The following ZNF821 variants were observed in gnomAD, a reference collection of about 807,000 sequenced individuals.
The protein encoded by ZNF821 is zinc finger protein 821.
ZNF821 carries 16 observed loss-of-function variants against 44.3 expected under a neutral mutation model. The ratio of observed to expected loss-of-function variants is 0.36; its 90% CI spans 0.24 to 0.55. The LOEUF (loss-of-function observed/expected upper bound fraction) is 0.55, where lower values mean the gene tolerates loss of function less well. ZNF821 is among the 20% of genes least tolerant of loss of function. The pLI is 0.86. For missense variants in ZNF821, 436 were observed against 547.6 expected, an observed-to-expected ratio of 0.80 and a Z score of 2.03; for synonymous variants, 204 against 197.6, an observed-to-expected ratio of 1.03 and a Z score of -0.27.
At chr16:71,865,072 TG>T in intron 4 of ZNF821, 24 bp from the exon 5 acceptor site, 1 of 1,613,990 alleles carries the variant, frequency 6.2e-7, no homozygotes, top group Non-Finnish European at 8.5e-7. Context: ...ACTGGTCACT[TG>T]TTCTGATTTT....
chr16:71,872,748 C>T (rs1166320154), intron 3 of ZNF821, among the ~76,000 whole-genome samples: 2 of 152,194 alleles, frequency 1.3e-5, no homozygotes, highest in East Asian at 1.9e-4. Flanking sequence ...GGAACATAGC[C>T]ATTTACTTCA....
intron 1 of ZNF821, among the ~76,000 whole-genome samples, chr16:71,892,211 G>C (rs955004540): frequency 1.5e-4 from 7 of 46,352 alleles, no homozygotes; most frequent in South Asian, 9.7e-4. Context: ...AAAAAAAAAA[G>C]AATCATGTCA....
chr16:71,892,178 CAAAAAAAAAAAAA>C (rs560376648), intron 1 of ZNF821, among the ~76,000 whole-genome samples: 263 of 31,930 alleles, frequency 8.2e-3, no homozygotes, highest in Middle Eastern at 0.071. Flanking sequence ...AACTCCGTCT[CAAAAAAAAAAAAA>C]AAAAAAAAAA....
upstream of ZNF821, among the ~76,000 whole-genome samples, chr16:71,886,586 A>G (rs982590357): frequency 2.0e-5 from 3 of 152,204 alleles, no homozygotes; most frequent in African/African-American, 7.2e-5. Context: ...GGCTTCTACA[A>G]TGACCTTGTT....
chr16:71,871,353 A>G (rs1336868670), intron 3 of ZNF821, among the ~76,000 whole-genome samples: 1 of 152,220 alleles, frequency 6.6e-6, no homozygotes, highest in Non-Finnish European at 1.5e-5. Flanking sequence ...ATATCACCAT[A>G]AAGCAAAATA....
At chr16:71,885,772 TTAGA>T (rs1159908209), upstream of ZNF821, among the ~76,000 whole-genome samples, 1 of 152,238 alleles carries the variant, frequency 6.6e-6, no homozygotes, top group Non-Finnish European at 1.5e-5. Context: ...ATTAGGATAC[TTAGA>T]TAGCAATTAT....
intron 3 of ZNF821, among the ~76,000 whole-genome samples, chr16:71,875,025 C>G (rs527410657): frequency 1.3e-5 from 2 of 152,150 alleles, no homozygotes; most frequent in Non-Finnish European, 2.9e-5. Flanking sequence ...ACCTGAGAAG[C>G]CTTCATGGCT....
In ZNF821 at chr16:71,884,087, G is replaced by A. The variant is rs1032135009; in HGVS notation, c.-320C>T. The A allele has an allele frequency of 1.3e-5, 2 of 152,162 alleles. No individual in the cohort carries two copies. Among genetic ancestry groups the A allele is most frequent in the African/African-American group, 4.8e-5 (2 of 41,430 alleles). 9.4% of individuals were successfully genotyped at this position (152,162 alleles called of 1,614,324 possible). A position where few individuals can be genotyped will look rare whatever the true frequency, so the allele number is the denominator to read the frequency against. On this transcript the variant is annotated 5_prime_UTR_variant, in exon 1 of 8. Transcript: ENST00000425432. ...GCCGAGCCGGTGGCGGGGAGCCGAGGGGCGGCGCTGCAGACGGACAAAGCC... is the reference window on the plus strand; with the variant it reads ...GCCGAGCCGGTGGCGGGGAGCCGAGAGGCGGCGCTGCAGACGGACAAAGCC...
At chr16:71,891,995 CAAAAA>C (rs58554253) in intron 1 of ZNF821, among the ~76,000 whole-genome samples, 5 of 21,170 alleles carry the variant, frequency 2.4e-4, no homozygotes, top group Non-Finnish European at 2.0e-4. Flanking sequence ...GACTCCGTCT[CAAAAA>C]AAAAAAAAAA....
intron 4 of ZNF821, among the ~76,000 whole-genome samples, chr16:71,867,191 C>CA (rs900642323): frequency 6.6e-6 from 1 of 152,212 alleles, no homozygotes; most frequent in African/African-American, 2.4e-5. Flanking sequence ...ACTGGGCCTT[C>CA]AAGCAAGGTT....
At chr16:71,891,757 C>T (rs1047077391) in intron 1 of ZNF821, among the ~76,000 whole-genome samples, 3 of 152,088 alleles carry the variant, frequency 2.0e-5, no homozygotes, top group Non-Finnish European at 4.4e-5. Flanking sequence ...CGCCTTTAAT[C>T]CCAGCACTTT....
intron 5 of ZNF821, chr16:71,864,633 CAA>C (rs1418292030): frequency 1.1e-5 from 5 of 460,726 alleles, no homozygotes; most frequent in African/African-American, 7.8e-5. Context: ...TCTACTTCAA[CAA>C]AGTTTCTCTC....
At chr16:71,893,441 C>T (rs1466178698) in intron 1 of ZNF821, among the ~76,000 whole-genome samples, 3 of 151,360 alleles carry the variant, frequency 2.0e-5, no homozygotes, top group East Asian at 3.9e-4. Flanking sequence ...GGATTACAGG[C>T]GTGAGCCACC....
At chr16:71,884,912 C>T (rs902148373), upstream of ZNF821, 2 of 142,024 alleles carry the variant, frequency 1.4e-5, no homozygotes, top group Admixed American at 1.5e-4. Context: ...GGCTGCAATG[C>T]AATGGCGCGA....
chr16:71,864,100 C>T, intron 6 of ZNF821, 38 bp downstream of exon 6: 1 of 1,572,020 alleles, frequency 6.4e-7, no homozygotes, highest in East Asian at 2.2e-5. Flanking sequence ...AAGCTGCCCA[C>T]ACTTGTGTTC....
At chr16:71,893,047 T>TTTTTTTTTTTTA (rs71153679) in intron 1 of ZNF821, among the ~76,000 whole-genome samples, 1 of 136,070 alleles carries the variant, frequency 7.3e-6, no homozygotes, top group East Asian at 2.2e-4. Flanking sequence ...TTTTTTTTTT[T>TTTTTTTTTTTTA]GAGATATAGT....
intron 5 of ZNF821, 76 bp from the exon 6 acceptor site, chr16:71,864,318 A>G: frequency 7.4e-7 from 1 of 1,347,644 alleles, no homozygotes; most frequent in South Asian, 1.2e-5. Context: ...TAAACAGGGT[A>G]TCCTGTTAAA....
At chr16:71,891,156 G>C (rs184325128) in intron 1 of ZNF821, among the ~76,000 whole-genome samples, 2 of 152,310 alleles carry the variant, frequency 1.3e-5, no homozygotes, top group East Asian at 1.9e-4. Flanking sequence ...GGCTGATTAA[G>C]GCTTGCAGGC....
intron 3 of ZNF821, among the ~76,000 whole-genome samples, chr16:71,869,561 C>G (rs2034953830): frequency 1.3e-5 from 2 of 151,378 alleles, no homozygotes; most frequent in African/African-American, 4.8e-5. Context: ...GGATTACTAT[C>G]TATATTTACT....
Sources: allele counts gnomAD v4.1 joint callset (sites outside exome capture counted in the v4.1 genomes callset), GRCh38; gene constraint gnomAD v4.1.1; transcripts MANE v1.5; gene names NCBI Gene and HGNC (gene_info 2026-07-23, HGNC 2026-07-21).